Variants in NUP35 observed in about 807,000 individuals in gnomAD.
NUP35 encodes nucleoporin NUP35.
A neutral mutation model predicts 41.5 loss-of-function variants in NUP35; 25 were observed. The observed-to-expected ratio is 0.60, with a 90% confidence interval of 0.44 to 0.84. NUP35 has a LOEUF of 0.84. Among genes scored for constraint, NUP35 ranks in the 40% least tolerant of loss-of-function variants. The pLI is 0.00. For missense variants in NUP35, 396 were observed against 396.6 expected, an observed-to-expected ratio of 1.00 and a Z score of 0.01; for synonymous variants, 149 against 130.7, an observed-to-expected ratio of 1.14 and a Z score of -0.96.
intron 1 of NUP35, 47 bp from the exon 2 acceptor site, chr2:183,128,240 A>G: frequency 7.0e-7 from 1 of 1,426,738 alleles, no homozygotes; most frequent in Non-Finnish European, 9.3e-7. Flanking sequence ...AACATGTAAC[A>G]GAAACTGTAA....
chr2:183,138,269 A>ATATATATATTTTTTTTT lies in NUP35; in HGVS notation c.397+4647_397+4648insATATATATTTTTTTTTT. Among the ~76,000 whole-genome samples, 146 of 80,592 alleles carry ATATATATATTTTTTTTT rather than the reference A, an allele frequency of 1.8e-3. 1 individual carries two copies. Among genetic ancestry groups the ATATATATATTTTTTTTT allele is most frequent in the Middle Eastern group, 7.9e-3 (1 of 126 alleles). The allele number at this position is 80,592 out of a possible 152,430, so 52.9% of individuals were successfully genotyped here. On this transcript the variant is annotated intron_variant, in intron 4 of 8. Coordinates refer to ENST00000295119, the MANE Select transcript of NUP35 (RefSeq NM_138285.5). ...GCTATATATATATATATATATATAT[A>ATATATATATTTTTTTTT]TTTTTTTTTTTTTTTAGCTCCTGTA... is the stretch of plus-strand genomic sequence containing the variant.
chr2:183,161,238 A>G lies in NUP35; in HGVS notation c.*107A>G. On this transcript the variant is annotated 3_prime_UTR_variant, in exon 9 of 9. Transcript: ENST00000295119. Reference sequence around the variant, plus strand: ...TCCTGCAGTATTGGATAGCTATCTCATACTTCTTTTAGAAAGAAGCCTTTT... The same window carrying G: ...TCCTGCAGTATTGGATAGCTATCTCGTACTTCTTTTAGAAAGAAGCCTTTT... The G allele has an allele frequency of 3.0e-6, 2 of 676,820 alleles. No individual in the cohort carries two copies. The highest frequency in any genetic ancestry group is 4.9e-6 in the Non-Finnish European group (2 of 404,216). The allele number at this position is 676,820 out of a possible 1,614,324, so 41.9% of individuals were successfully genotyped here.
chr2:183,124,209 T>C, upstream of NUP35: 1 of 795,464 alleles, frequency 1.3e-6, no homozygotes, highest in Non-Finnish European at 1.8e-6. Context: ...CATTCCCGGA[T>C]GAAAAGCATT....
At chr2:183,119,988 T>C (rs1231792376), upstream of NUP35, 1 of 147,552 alleles carries the variant, frequency 6.8e-6, no homozygotes, top group Non-Finnish European at 1.5e-5. Flanking sequence ...TCTGATTTTT[T>C]CCTTCTTTGC....
chr2:183,124,442 T>A (rs201276489), upstream of NUP35: 2 of 1,614,042 alleles, frequency 1.2e-6, no homozygotes, highest in African/African-American at 2.7e-5. Context: ...TGGTTTTAAG[T>A]GTAGTTGCCG....
Position 183,161,258 on chromosome 2 carries a change from C to T in NUP35, c.*127C>T. 1.7e-6 allele frequency: 1 copy of T among 579,064 alleles called. No individual in the cohort carries two copies. The highest frequency in any genetic ancestry group is 3.0e-6 in the Non-Finnish European group (1 of 328,568). 35.9% of individuals were successfully genotyped at this position (579,064 alleles called of 1,614,324 possible). A position where few individuals can be genotyped will look rare whatever the true frequency, so the allele number is the denominator to read the frequency against. ...ATCTCATACTTCTTTTAGAAAGAAGCCTTTTTCATTAAGGATACAACCTAT... is the reference window on the plus strand; with the variant it reads ...ATCTCATACTTCTTTTAGAAAGAAGTCTTTTTCATTAAGGATACAACCTAT... On this transcript the variant is annotated 3_prime_UTR_variant, in exon 9 of 9. Coordinates refer to ENST00000295119, the MANE Select transcript of NUP35 (RefSeq NM_138285.5).
chr2:183,124,285 G>T (rs75960110), upstream of NUP35: 9,998 of 1,423,192 alleles, frequency 7.0e-3, 366 homozygotes, highest in African/African-American at 0.097. Flanking sequence ...AATTCTCAGC[G>T]CAAAGACTTT....
chr2:183,157,664 T>A (rs1383880363), intron 6 of NUP35, 151 bp downstream of exon 6: 1 of 598,300 alleles, frequency 1.7e-6, no homozygotes, highest in Non-Finnish European at 2.9e-6. Context: ...TCTGGAAGGC[T>A]GGAAGTTGCC....
At chr2:183,134,462 A>G (rs571102684) in intron 4 of NUP35, among the ~76,000 whole-genome samples, 4 of 152,162 alleles carry the variant, frequency 2.6e-5, no homozygotes, top group South Asian at 2.1e-4. Flanking sequence ...TGTTGCTGCC[A>G]TAACAAACTA....
chr2:183,161,220 G>A lies in NUP35; in HGVS notation c.*89G>A. On this transcript the variant is annotated 3_prime_UTR_variant, in exon 9 of 9. Coordinates refer to ENST00000295119, the MANE Select transcript of NUP35 (RefSeq NM_138285.5). ...GGTTAGTTATATAACTGTTCCTGCA[G>A]TATTGGATAGCTATCTCATACTTCT... 1.2e-6 allele frequency: 1 copy of A among 806,172 alleles called. No individual in the cohort carries two copies. Among genetic ancestry groups the A allele is most frequent in the Admixed American group, 2.3e-5 (1 of 43,658 alleles). 49.9% of individuals were successfully genotyped at this position (806,172 alleles called of 1,614,324 possible). A position where few individuals can be genotyped will look rare whatever the true frequency, so the allele number is the denominator to read the frequency against.
chr2:183,136,300 A>G (rs545028163), intron 4 of NUP35, among the ~76,000 whole-genome samples: 143 of 152,386 alleles, frequency 9.4e-4, no homozygotes, highest in African/African-American at 3.3e-3. Flanking sequence ...TACACGTATT[A>G]TCTTCTGGTT....
chr2:183,143,191 G>A (rs1400621618), intron 4 of NUP35, among the ~76,000 whole-genome samples: 1 of 149,716 alleles, frequency 6.7e-6, no homozygotes, highest in Non-Finnish European at 1.5e-5. Flanking sequence ...ACAGCATTCT[G>A]TTCTTTCATA....
At chr2:183,146,476 T>A (rs1248534228) in intron 4 of NUP35, among the ~76,000 whole-genome samples, 1 of 152,246 alleles carries the variant, frequency 6.6e-6, no homozygotes, top group Non-Finnish European at 1.5e-5. Context: ...CAAATAGTAC[T>A]GCTATTTTGA....
intron 5 of NUP35, among the ~76,000 whole-genome samples, chr2:183,156,566 C>T (rs1489530661): frequency 1.3e-5 from 2 of 152,114 alleles, no homozygotes; most frequent in African/African-American, 2.4e-5. Flanking sequence ...GTCTCGAACT[C>T]CTGACCTCAA....
intron 5 of NUP35, among the ~76,000 whole-genome samples, chr2:183,154,538 G>T (rs528543026): frequency 6.6e-6 from 1 of 152,234 alleles, no homozygotes; most frequent in South Asian, 2.1e-4. Flanking sequence ...CAGTCTCTTT[G>T]CTAAAACATA....
intron 3 of NUP35, chr2:183,131,104 C>G (rs1318601380): frequency 2.8e-6 from 1 of 357,728 alleles, no homozygotes; most frequent in African/African-American, 2.1e-5. Flanking sequence ...CTCAACTGTC[C>G]TATTGGGATA....
chr2:183,157,884 C>T (rs1356650663), intron 6 of NUP35, among the ~76,000 whole-genome samples: 1 of 151,966 alleles, frequency 6.6e-6, no homozygotes, highest in Non-Finnish European at 1.5e-5. Context: ...GTTTTTAGAG[C>T]TTTATAGCTC....
chr2:183,120,529 T>C (rs1035563289), upstream of NUP35, among the ~76,000 whole-genome samples: 4 of 150,654 alleles, frequency 2.7e-5, no homozygotes, highest in African/African-American at 7.4e-5. Context: ...ATGTAAGGAG[T>C]TGACTGCAAT....
Position 183,158,427 on chromosome 2 carries a change from T to G in NUP35, c.738+16T>G. On this transcript the variant is annotated intron_variant, in intron 7 of 8. Coordinates refer to ENST00000295119, the MANE Select transcript of NUP35 (RefSeq NM_138285.5). ...TATTGACAAAGTAAGTTATTGGTGA[T>G]GTAGGCAAAGTAGCTTAATCTATAT... 3 of 1,580,210 alleles carry G rather than the reference T, an allele frequency of 1.9e-6. No homozygotes were observed. Among genetic ancestry groups the G allele is most frequent in the Non-Finnish European group, 2.6e-6 (3 of 1,160,800 alleles).
Sources: gnomAD v4.1 joint callset for allele counts (sites outside exome capture counted in the v4.1 genomes callset) on GRCh38, gnomAD v4.1.1 for gene constraint, MANE v1.5 for transcripts, NCBI Gene and HGNC (gene_info 2026-07-23, HGNC 2026-07-21) for gene names.